The following MEGF10 variants were observed in gnomAD, a reference collection of about 807,000 sequenced individuals.
MEGF10 encodes multiple EGF like domains 10.
MEGF10 carries 86 observed loss-of-function variants against 147.5 expected under a neutral mutation model. The observed-to-expected ratio is 0.58, with a 90% CI of 0.49 to 0.70. The LOEUF (loss-of-function observed/expected upper bound fraction) is 0.70. Ranked by LOEUF, MEGF10 falls within the 30% of genes least tolerant of loss-of-function variation. MEGF10 has a pLI of 0.00. For synonymous variants in MEGF10, 478 were observed against 525.5 expected (o/e 0.91, Z 1.24); for missense variants, 1,329 against 1,487.3 (o/e 0.89, Z 1.75).
At chr5:127,407,263 T>A (rs1764368232) in intron 8 of MEGF10, among the ~76,000 whole-genome samples, 1 of 152,166 alleles carries the variant, frequency 6.6e-6, no homozygotes. Flanking sequence ...TAATGAAGAA[T>A]GTGATTCTTT....
intron 8 of MEGF10, among the ~76,000 whole-genome samples, chr5:127,408,186 T>A (rs1764406185): frequency 1.3e-5 from 2 of 152,190 alleles, no homozygotes; most frequent in African/African-American, 4.8e-5. Flanking sequence ...TAACAGATAA[T>A]TTCCCAGGCT....
the MEGF10 span, among the ~76,000 whole-genome samples, chr5:127,239,841 G>A: frequency 1.6e-3 from 238 of 152,194 alleles, 1 homozygote; most frequent in Middle Eastern, 3.4e-3. Flanking sequence ...CTCAATAAAT[G>A]TTTGATGAGG....
chr5:127,351,272 C>T (rs1762077398), intron 4 of MEGF10, among the ~76,000 whole-genome samples: 1 of 151,920 alleles, frequency 6.6e-6, no homozygotes, highest in Non-Finnish European at 1.5e-5. Context: ...CATTCATAGT[C>T]CTGCCATTTT....
intron 16 of MEGF10, among the ~76,000 whole-genome samples, chr5:127,437,505 G>C (rs755573668): frequency 6.6e-6 from 1 of 152,124 alleles, no homozygotes; most frequent in Non-Finnish European, 1.5e-5. Flanking sequence ...CATTCCCTAT[G>C]GGGTAGCCGT....
upstream of MEGF10, among the ~76,000 whole-genome samples, chr5:127,288,632 C>T (rs1030763817): frequency 6.6e-6 from 1 of 152,110 alleles, no homozygotes; most frequent in Admixed American, 6.5e-5. Flanking sequence ...TCATATCTTG[C>T]TGGTGAGAAT....
intron 17 of MEGF10, among the ~76,000 whole-genome samples, chr5:127,439,282 G>T (rs555114833): frequency 6.6e-6 from 1 of 152,302 alleles, no homozygotes; most frequent in East Asian, 1.9e-4. Context: ...ATCATTCTCT[G>T]ACCTCTTACC....
rs571949562 is a variant in MEGF10, at chr5:127,433,688, T to C, written c.1840+179T>C. On this transcript the variant is annotated intron_variant, in intron 14 of 24. Transcript: ENST00000503335. ...TGTGTTCCCTAAGAGCTTCATTCTT[T>C]CCAGCCTTCAGAACTAACCTAACAG... Among the ~76,000 whole-genome samples, 4 of 152,362 alleles carry C rather than the reference T, an allele frequency of 2.6e-5. No homozygotes were observed. In the South Asian group the frequency reaches 8.3e-4, roughly 32 times the overall value.
chr5:127,450,281 T>C (rs1766104471), intron 22 of MEGF10, among the ~76,000 whole-genome samples: 1 of 152,238 alleles, frequency 6.6e-6, no homozygotes, highest in Non-Finnish European at 1.5e-5. Context: ...CTTGGGAGCC[T>C]GAGGCAGGAG....
chr5:127,329,417 T>A (rs1038997680), intron 1 of MEGF10, among the ~76,000 whole-genome samples: 1 of 152,204 alleles, frequency 6.6e-6, no homozygotes, highest in Non-Finnish European at 1.5e-5. Context: ...AGGTAACTTG[T>A]CATAGTATAC....
chr5:127,257,264 G>C, the MEGF10 span, among the ~76,000 whole-genome samples: 4 of 147,670 alleles, frequency 2.7e-5, no homozygotes, highest in Non-Finnish European at 4.4e-5. Flanking sequence ...TATTTGATGA[G>C]ATTCCTAGGG....
At chr5:127,298,742 C>A (rs536961633) in intron 1 of MEGF10, among the ~76,000 whole-genome samples, 1 of 152,236 alleles carries the variant, frequency 6.6e-6, no homozygotes, top group South Asian at 2.1e-4. Flanking sequence ...AGAACCCATG[C>A]CTCTCCTCTC....
At chr5:127,365,857 G>A (rs1762634418) in intron 4 of MEGF10, among the ~76,000 whole-genome samples, 1 of 152,106 alleles carries the variant, frequency 6.6e-6, no homozygotes, top group Non-Finnish European at 1.5e-5. Context: ...AAAGAAGAAA[G>A]GACATGGGTA....
At chr5:127,337,507 C>T (rs965718594) in intron 2 of MEGF10, among the ~76,000 whole-genome samples, 1 of 152,042 alleles carries the variant, frequency 6.6e-6, no homozygotes, top group Non-Finnish European at 1.5e-5. Flanking sequence ...CGCTAGGGTT[C>T]TGAAGAAAAT....
the MEGF10 span, among the ~76,000 whole-genome samples, chr5:127,235,109 G>A: frequency 6.6e-6 from 1 of 152,166 alleles, no homozygotes; most frequent in African/African-American, 2.4e-5. Context: ...GCCTCCCAAA[G>A]TGCTGGGATT....
At chr5:127,247,371 G>T in the MEGF10 span, among the ~76,000 whole-genome samples, 2 of 6,788 alleles carry the variant, frequency 2.9e-4, no homozygotes, top group African/African-American at 8.1e-4. Flanking sequence ...AGAAGAAGAA[G>T]AAGAAGAAGA....
the MEGF10 span, among the ~76,000 whole-genome samples, chr5:127,278,998 T>G: frequency 8.5e-5 from 13 of 152,186 alleles, no homozygotes; most frequent in Admixed American, 4.6e-4. Context: ...CTCCAACACA[T>G]TAAATTGCAC....
intron 5 of MEGF10, among the ~76,000 whole-genome samples, chr5:127,373,728 A>G (rs1209872518): frequency 6.6e-6 from 1 of 152,174 alleles, no homozygotes; most frequent in African/African-American, 2.4e-5. Context: ...GATTGGAGTA[A>G]TGAGGGATGG....
chr5:127,396,875 G>A, intron 6 of MEGF10, 97 bp downstream of exon 6: 1 of 1,525,804 alleles, frequency 6.6e-7, no homozygotes, highest in Non-Finnish European at 8.9e-7. Flanking sequence ...AGTTTGCATT[G>A]CTGCCTGAAG....
chr5:127,282,983 A>T, the MEGF10 span, among the ~76,000 whole-genome samples: 3 of 151,642 alleles, frequency 2.0e-5, no homozygotes, highest in Admixed American at 6.6e-5. Context: ...TATGGCTTTG[A>T]TTTTTTTTTC....
Sources: gnomAD v4.1 joint callset for allele counts (sites outside exome capture counted in the v4.1 genomes callset) on GRCh38, gnomAD v4.1.1 for gene constraint, MANE v1.5 for transcripts, NCBI Gene and HGNC (gene_info 2026-07-23, HGNC 2026-07-21) for gene names.